Variants in KCNIP4 observed in about 807,000 individuals in gnomAD.
The protein encoded by KCNIP4 is potassium voltage-gated channel interacting protein 4.
In KCNIP4, 12 loss-of-function variants were observed where a neutral mutation model predicts 34.0. The ratio of observed to expected loss-of-function variants is 0.35; its 90% CI spans 0.23 to 0.57. The LOEUF (loss-of-function observed/expected upper bound fraction) is 0.57. Ranked by LOEUF, KCNIP4 falls within the 20% of genes least tolerant of loss-of-function variation. The pLI is 0.83. For synonymous variants in KCNIP4, 124 were observed against 102.2 expected (o/e 1.21, Z -1.29); for missense variants, 238 against 311.7 (o/e 0.76, Z 1.78).
At chr4:20,749,028 C>G (rs568245595) in intron 5 of KCNIP4, among the ~76,000 whole-genome samples, 2 of 151,468 alleles carry the variant, frequency 1.3e-5, no homozygotes, top group African/African-American at 4.8e-5. Context: ...CGTGGTGGCA[C>G]GGGCCTGTAA....
At chr4:20,958,351 A>C (rs1001921531) in intron 1 of KCNIP4, among the ~76,000 whole-genome samples, 1 of 152,194 alleles carries the variant, frequency 6.6e-6, no homozygotes, top group African/African-American at 2.4e-5. Flanking sequence ...TTTATGGATA[A>C]ATGCATGGAA....
At chr4:21,866,262 C>G (rs1309941012) in intron 1 of KCNIP4, among the ~76,000 whole-genome samples, 2 of 152,154 alleles carry the variant, frequency 1.3e-5, no homozygotes, top group African/African-American at 4.8e-5. Context: ...CACAGCAAGT[C>G]TTCTCCATTT....
chr4:20,902,531 T>C (rs572451542), intron 1 of KCNIP4, among the ~76,000 whole-genome samples: 2 of 152,300 alleles, frequency 1.3e-5, no homozygotes, highest in South Asian at 4.1e-4. Context: ...GTTATTGCTA[T>C]TTTTTGAGAT....
chr4:21,557,043 G>A, intron 1 of KCNIP4, among the ~76,000 whole-genome samples: 1 of 151,722 alleles, frequency 6.6e-6, no homozygotes, highest in Non-Finnish European at 1.5e-5. Flanking sequence ...TTTACTGTAG[G>A]ACTTATCACT....
At chr4:21,326,694 G>GT (rs1282192438) in intron 1 of KCNIP4, among the ~76,000 whole-genome samples, 1 of 131,236 alleles carries the variant, frequency 7.6e-6, no homozygotes, top group East Asian at 2.2e-4. Flanking sequence ...GTGTTTTCTG[G>GT]TTGTTTTTTC....
At chr4:21,849,671 T>C (rs1724248047) in intron 1 of KCNIP4, 1 of 152,134 alleles carries the variant, frequency 6.6e-6, no homozygotes, top group Admixed American at 6.5e-5. Context: ...ATATCCAATT[T>C]AGATCATTAT....
chr4:21,723,956 T>A (rs1019679522), intron 1 of KCNIP4, among the ~76,000 whole-genome samples: 49 of 152,076 alleles, frequency 3.2e-4, no homozygotes, highest in African/African-American at 1.1e-3. Flanking sequence ...CAATTTTATA[T>A]GCAGGCCTTA....
intron 3 of KCNIP4, among the ~76,000 whole-genome samples, chr4:20,809,494 G>C (rs35460302): frequency 0.027 from 4,061 of 152,214 alleles, 92 homozygotes; most frequent in South Asian, 0.082. Context: ...TCTCTGCCTA[G>C]ATGTGGAATT....
chr4:21,636,379 G>A (rs565489198), intron 1 of KCNIP4, among the ~76,000 whole-genome samples: 112 of 151,778 alleles, frequency 7.4e-4, no homozygotes, highest in Non-Finnish European at 1.5e-3. Flanking sequence ...CCAAGAAACG[G>A]AAAAGTAATG....
intron 3 of KCNIP4, among the ~76,000 whole-genome samples, chr4:20,761,068 C>A (rs1754919379): frequency 6.6e-6 from 1 of 152,064 alleles, no homozygotes; most frequent in African/African-American, 2.4e-5. Flanking sequence ...TGTGAGGGGG[C>A]CTCATTGAAT....
intron 1 of KCNIP4, among the ~76,000 whole-genome samples, chr4:21,467,056 CA>C (rs1180039845): frequency 7.3e-6 from 1 of 136,904 alleles, no homozygotes; most frequent in East Asian, 2.1e-4. Flanking sequence ...AAAACCAAAC[CA>C]AACCAAACCA....
chr4:21,036,421 C>A (rs28633113), intron 1 of KCNIP4, among the ~76,000 whole-genome samples: 3,768 of 152,260 alleles, frequency 0.025, 149 homozygotes, highest in African/African-American at 0.085. Flanking sequence ...ATAGATTGCT[C>A]CTGCAAACTA....
intron 1 of KCNIP4, among the ~76,000 whole-genome samples, chr4:21,386,880 C>T (rs1160631175): frequency 6.6e-6 from 1 of 152,158 alleles, no homozygotes; most frequent in East Asian, 1.9e-4. Context: ...AATAAGTCCA[C>T]AAAGCTTGAA....
At chr4:21,143,829 A>C (rs947412012) in intron 1 of KCNIP4, among the ~76,000 whole-genome samples, 1 of 151,524 alleles carries the variant, frequency 6.6e-6, no homozygotes, top group Non-Finnish European at 1.5e-5. Context: ...CAGCCTCCTG[A>C]GTAGCTGGGA....
intron 1 of KCNIP4, among the ~76,000 whole-genome samples, chr4:21,329,521 C>T (rs1279838144): frequency 6.6e-6 from 1 of 152,074 alleles, no homozygotes; most frequent in Admixed American, 6.6e-5. Flanking sequence ...AGAACTCCAC[C>T]ATCTAGAAGG....
At position 21,377,653 on chromosome 4, in the gene KCNIP4, T is replaced by C. The variant is rs1721081978; in HGVS notation, c.62-494944A>G. On this transcript the variant is annotated intron_variant, in intron 1 of 8. Transcript: ENST00000382152. ...ATCATTCTGCCTCATTGCTGGTTGT[T>C]TGCGTCCAAGCTTGTCAGGCAATGT... is the stretch of plus-strand genomic sequence containing the variant. Among the ~76,000 whole-genome samples, 5 of 152,200 alleles carry C rather than the reference T, an allele frequency of 3.3e-5. No homozygotes were observed. In the South Asian group the frequency reaches 1.0e-3, roughly 31 times the overall value.
chr4:21,716,195 G>C (rs1209297665), intron 1 of KCNIP4, among the ~76,000 whole-genome samples: 1 of 152,088 alleles, frequency 6.6e-6, no homozygotes, highest in Non-Finnish European at 1.5e-5. Context: ...TGAGCAAAGT[G>C]ACTCAGTTTA....
At chr4:21,473,732 AAG>A (rs1040888905) in intron 1 of KCNIP4, among the ~76,000 whole-genome samples, 4 of 134,266 alleles carry the variant, frequency 3.0e-5, no homozygotes, top group African/African-American at 1.2e-4. Flanking sequence ...TTTTTTTTTT[AAG>A]ACAGAGTCTT....
At chr4:20,872,085 C>T (rs1261261921) in intron 2 of KCNIP4, among the ~76,000 whole-genome samples, 1 of 152,084 alleles carries the variant, frequency 6.6e-6, no homozygotes, top group East Asian at 1.9e-4. Flanking sequence ...TGACACTGAT[C>T]CTTCTAACAT....
Sources: allele counts gnomAD v4.1 joint callset (sites outside exome capture counted in the v4.1 genomes callset), GRCh38; gene constraint gnomAD v4.1.1; transcripts MANE v1.5; gene names NCBI Gene and HGNC (gene_info 2026-07-23, HGNC 2026-07-21).